Variants in ACACA observed in about 807,000 individuals in gnomAD.
The protein encoded by ACACA is acetyl-CoA carboxylase alpha, also known as acetyl-CoA carboxylase 1.
In ACACA, 103 loss-of-function variants were observed where a neutral mutation model predicts 296.1. The ratio of observed to expected loss-of-function variants is 0.35; its 90% CI spans 0.30 to 0.41. The LOEUF is 0.41. ACACA is among the 10% of genes least tolerant of loss of function. The probability of loss-of-function intolerance (pLI) is 1.00; values close to 1 mark genes in which losing one functional copy is unlikely to be tolerated. For synonymous variants in ACACA, 953 were observed against 1,038.6 expected, an observed-to-expected ratio of 0.92 and a Z score of 1.58; for missense variants, 1,554 against 2,989.7, an observed-to-expected ratio of 0.52 and a Z score of 11.20.
rs1201081669 is a variant in ACACA at position 37,221,442 on chromosome 17, AAATTCTTTCT to A, written c.3683+272_3683+281del. ...AAGTTCTAGCAAGTAAAATGCTAGT[AAATTCTTTCT>A]AATTTTTTAAAAAAGAAACTATTTC... On this transcript the variant is annotated intron_variant, in intron 29 of 55. Coordinates refer to ENST00000616317, the MANE Select transcript of ACACA (RefSeq NM_198834.3). 3 of 455,838 alleles carry A rather than the reference AAATTCTTTCT, an allele frequency of 6.6e-6. No homozygotes were observed. In the East Asian group the frequency reaches 1.3e-4, roughly 19 times the overall value. 28.2% of individuals were successfully genotyped at this position (455,838 alleles called of 1,614,324 possible).
intron 1 of ACACA, chr17:37,376,004 G>A (rs1203963944): frequency 2.0e-5 from 23 of 1,127,664 alleles, no homozygotes; most frequent in African/African-American, 3.1e-5. Flanking sequence ...TTCCAGCTGC[G>A]TGTGGTGAAA....
intron 54 of ACACA, among the ~76,000 whole-genome samples, chr17:37,094,579 C>CT (rs1271736387): frequency 4.8e-5 from 7 of 147,030 alleles, no homozygotes; most frequent in Non-Finnish European, 1.1e-4. Flanking sequence ...ACCACCCCCC[C>CT]CCCCCCACAC....
intron 8 of ACACA, among the ~76,000 whole-genome samples, chr17:37,275,018 A>G (rs2082218373): frequency 6.6e-6 from 1 of 152,090 alleles, no homozygotes; most frequent in African/African-American, 2.4e-5. Flanking sequence ...TATCAGCTAT[A>G]ATAATTCACA....
chr17:37,140,911 AC>A, intron 45 of ACACA: 1 of 306,762 alleles, frequency 3.3e-6, no homozygotes, highest in Non-Finnish European at 6.3e-6. Context: ...GATGAGGCGC[AC>A]CAGCACAGAG....
At chr17:37,164,016 C>T (rs2076566819) in intron 41 of ACACA, among the ~76,000 whole-genome samples, 1 of 152,162 alleles carries the variant, frequency 6.6e-6, no homozygotes, top group Admixed American at 6.5e-5. Context: ...CCTGTTTCCC[C>T]TATACCTGGA....
intron 3 of ACACA, among the ~76,000 whole-genome samples, chr17:37,297,940 T>TTA (rs1015365775): frequency 5.3e-5 from 8 of 151,816 alleles, no homozygotes; most frequent in African/African-American, 1.5e-4. Context: ...CAAACATAGA[T>TTA]TATATATATC....
At chr17:37,129,242 A>AT in intron 47 of ACACA, 123 bp downstream of exon 47, 1 of 1,368,236 alleles carries the variant, frequency 7.3e-7, no homozygotes, top group Non-Finnish European at 1.0e-6. Flanking sequence ...GGTCTTTCTC[A>AT]TTTCTAGGTA....
Position 37,375,465 on chromosome 17 carries a change from C to T in ACACA, c.38+30797G>A, listed in dbSNP as rs945856269. Among the ~76,000 whole-genome samples, 10 of 151,820 alleles carry T rather than the reference C, an allele frequency of 6.6e-5. No homozygotes were observed. In the East Asian group the frequency reaches 9.7e-4, roughly 15 times the overall value. ...TCGTGTCACTACACTCCAGCCTGGG[C>T]GACCGAGCGAGACTCTGCCTCAAAA... On this transcript the variant is annotated intron_variant, in intron 1 of 55. Transcript: ENST00000616317.
chr17:37,360,061 C>T (rs829156), intron 1 of ACACA: 20,146 of 152,126 alleles, frequency 0.13, 3,683 homozygotes, highest in African/African-American at 0.41. Flanking sequence ...CAGTCGGTGT[C>T]TCTAGTTTTG....
intron 42 of ACACA, among the ~76,000 whole-genome samples, chr17:37,157,531 CTT>C (rs397687787): frequency 1.1e-5 from 1 of 90,484 alleles, no homozygotes. Context: ...ATCATTCTAT[CTT>C]TTTTTTTTTT....
intron 26 of ACACA, chr17:37,225,354 G>A: frequency 2.2e-6 from 1 of 462,896 alleles, no homozygotes; most frequent in Non-Finnish European, 3.9e-6. Flanking sequence ...AGGGGGAAGG[G>A]AGAGAAAACA....
intron 1 of ACACA, among the ~76,000 whole-genome samples, chr17:37,377,647 G>A (rs1310074335): frequency 2.0e-5 from 3 of 149,076 alleles, no homozygotes; most frequent in Non-Finnish European, 4.4e-5. Flanking sequence ...GCGACAGAGT[G>A]AGACTCCGTC....
At chr17:37,244,852 G>A in intron 20 of ACACA, 118 bp from the exon 21 acceptor site, 1 of 1,439,460 alleles carries the variant, frequency 6.9e-7, no homozygotes, top group Middle Eastern at 1.7e-4. Flanking sequence ...TACCAGGAGG[G>A]AAGTCAATAG....
intron 45 of ACACA, among the ~76,000 whole-genome samples, chr17:37,136,772 C>T (rs2075351784): frequency 6.6e-6 from 1 of 152,092 alleles, no homozygotes; most frequent in Non-Finnish European, 1.5e-5. Flanking sequence ...GAAACCCCAT[C>T]TCTACTAAAA....
chr17:37,118,909 C>CCAAA (rs1488501116), intron 50 of ACACA, among the ~76,000 whole-genome samples: 1 of 152,062 alleles, frequency 6.6e-6, no homozygotes, highest in Non-Finnish European at 1.5e-5. Context: ...TGGGCCTGAG[C>CCAAA]CAAAATATGT....
At position 37,113,122 on chromosome 17, in the gene ACACA, G is replaced by T. The variant is rs1361584098; in HGVS notation, c.6418C>A (p.Arg2140=). ...WVVIDSSINP[R]HMEMYADRES... Reference sequence around the variant, plus strand: ...CGGTCAGCATACATCTCCATGTGCCGGGGGTTGATGGAGGAGTCAATCACC... The same window carrying T: ...CGGTCAGCATACATCTCCATGTGCCTGGGGTTGATGGAGGAGTCAATCACC... The change falls in exon 51 of 56, where the codon CGG becomes AGG. Residue 2140 remains arginine, a synonymous_variant. Coordinates refer to ENST00000616317, the MANE Select transcript of ACACA (RefSeq NM_198834.3). The surrounding 1 kb of genome is among the most constrained non-coding windows in gnomAD (Gnocchi z 4.0). 2.0e-5 allele frequency: 33 copies of T among 1,614,016 alleles called. No individual in the cohort carries two copies. Among genetic ancestry groups the T allele is most frequent in the Non-Finnish European group, 2.8e-5 (33 of 1,180,028 alleles).
At chr17:37,122,008 C>T (rs532444109) in intron 49 of ACACA, among the ~76,000 whole-genome samples, 84 of 152,256 alleles carry the variant, frequency 5.5e-4, no homozygotes, top group Non-Finnish European at 9.0e-4. Context: ...GCACCAGGCA[C>T]AGTGGCTCAT....
intron 50 of ACACA, among the ~76,000 whole-genome samples, chr17:37,115,750 T>G (rs1820160669): frequency 6.6e-6 from 1 of 152,240 alleles, no homozygotes; most frequent in African/African-American, 2.4e-5. Flanking sequence ...ATTTTTAATT[T>G]TATGAAATGG....
chr17:37,104,612 T>C (rs1186018122), intron 52 of ACACA, among the ~76,000 whole-genome samples: 1 of 152,024 alleles, frequency 6.6e-6, no homozygotes, highest in African/African-American at 2.4e-5. Flanking sequence ...GGAGCCAGGA[T>C]ACAAAGAAAA....
Sources: gnomAD v4.1 joint callset for allele counts (sites outside exome capture counted in the v4.1 genomes callset) on GRCh38, gnomAD v4.1.1 for gene constraint, Gnocchi (gnomAD v3.1) non-coding constraint, MANE v1.5 for transcripts, NCBI Gene and HGNC (gene_info 2026-07-23, HGNC 2026-07-21) for gene names.